PRKG1: variants seen among roughly 807,000 people sequenced by gnomAD.
PRKG1 encodes cGMP-dependent protein kinase 1.
In PRKG1, 35 loss-of-function variants were observed where a neutral mutation model predicts 88.1. The ratio of observed to expected loss-of-function variants is 0.40; its 90% CI spans 0.30 to 0.53. PRKG1 has a LOEUF of 0.53. Among genes scored for constraint, PRKG1 ranks in the 20% least tolerant of loss-of-function variants. PRKG1 has a pLI of 0.59. For synonymous variants in PRKG1, 303 were observed against 292.5 expected, an observed-to-expected ratio of 1.04 and a Z score of -0.37; for missense variants, 540 against 839.8, an observed-to-expected ratio of 0.64 and a Z score of 4.41.
intron 3 of PRKG1, among the ~76,000 whole-genome samples, chr10:51,482,862 A>G (rs1840405574): frequency 6.6e-6 from 1 of 152,194 alleles, no homozygotes; most frequent in Admixed American, 6.5e-5. Flanking sequence ...TATATGTCAA[A>G]TGTGGAGTGT....
intron 2 of PRKG1, among the ~76,000 whole-genome samples, chr10:51,181,259 G>C (rs1198826010): frequency 8.9e-6 from 1 of 112,144 alleles, no homozygotes; most frequent in South Asian, 2.6e-4. Context: ...TTTTGAGACG[G>C]AGTCTCGCTC....
chr10:51,746,655 G>A (rs1228170429), intron 3 of PRKG1, among the ~76,000 whole-genome samples: 1 of 151,680 alleles, frequency 6.6e-6, no homozygotes, highest in Non-Finnish European at 1.5e-5. Flanking sequence ...CCCAGGAGGT[G>A]GAGGTTGCAA....
chr10:52,204,338 G>A (rs190736794), intron 9 of PRKG1, among the ~76,000 whole-genome samples: 13 of 151,934 alleles, frequency 8.6e-5, no homozygotes, highest in East Asian at 1.9e-4. Context: ...TGCCCACCTC[G>A]GCCTCCCAAA....
intron 5 of PRKG1, among the ~76,000 whole-genome samples, chr10:51,960,749 G>C (rs1843428156): frequency 6.6e-6 from 1 of 152,142 alleles, no homozygotes; most frequent in South Asian, 2.1e-4. Flanking sequence ...GTTTTATGCA[G>C]AGATGCTCAA....
At chr10:51,468,724 C>A (rs1045175124) in intron 3 of PRKG1, among the ~76,000 whole-genome samples, 1 of 151,800 alleles carries the variant, frequency 6.6e-6, no homozygotes, top group East Asian at 1.9e-4. Flanking sequence ...AAAAAAAATG[C>A]TATTGGCAAA....
chr10:51,341,648 T>C (rs1842006444), intron 2 of PRKG1, among the ~76,000 whole-genome samples: 1 of 152,190 alleles, frequency 6.6e-6, no homozygotes, highest in Non-Finnish European at 1.5e-5. Flanking sequence ...TGGCACTTGA[T>C]ATTTGATAGG....
intron 11 of PRKG1, 43 bp from the exon 12 acceptor site, chr10:52,272,349 C>CAG: frequency 1.4e-6 from 2 of 1,448,526 alleles, no homozygotes; most frequent in Middle Eastern, 3.5e-4. Context: ...TTGTAAAAGA[C>CAG]AGTAATGTTT....
chr10:51,167,847 T>C (rs1473657565), intron 2 of PRKG1, among the ~76,000 whole-genome samples: 2 of 152,170 alleles, frequency 1.3e-5, no homozygotes, highest in Admixed American at 6.6e-5. Context: ...TGACGGTAGA[T>C]ATACATTCAG....
At chr10:51,017,504 A>G (rs958832930) in intron 1 of PRKG1, among the ~76,000 whole-genome samples, 2 of 152,202 alleles carry the variant, frequency 1.3e-5, no homozygotes, top group Admixed American at 1.3e-4. Context: ...TGTAACACTT[A>G]TGTGTATGAG....
chr10:51,836,130 T>A (rs1840125235), intron 4 of PRKG1, among the ~76,000 whole-genome samples: 1 of 152,108 alleles, frequency 6.6e-6, no homozygotes, highest in African/African-American at 2.4e-5. Context: ...TCAAAATATA[T>A]TACAAAGCTA....
intron 7 of PRKG1, among the ~76,000 whole-genome samples, chr10:52,076,881 T>C (rs1022960297): frequency 1.3e-5 from 2 of 152,096 alleles, no homozygotes; most frequent in Admixed American, 6.5e-5. Flanking sequence ...AACCACAAGG[T>C]AGTGCCACTG....
chr10:51,300,956 T>C (rs551800036), intron 2 of PRKG1, among the ~76,000 whole-genome samples: 2 of 152,358 alleles, frequency 1.3e-5, no homozygotes, highest in South Asian at 4.1e-4. Context: ...TAATTTCACT[T>C]TCCTCTTAAT....
intron 1 of PRKG1, among the ~76,000 whole-genome samples, chr10:51,033,208 T>G (rs1819590335): frequency 6.6e-6 from 1 of 152,138 alleles, no homozygotes; most frequent in South Asian, 2.1e-4. Flanking sequence ...TTGGACGTGC[T>G]TCCCTCCTTC....
chr10:51,071,185 C>T (rs1420143286), upstream of PRKG1, among the ~76,000 whole-genome samples: 1 of 152,108 alleles, frequency 6.6e-6, no homozygotes, highest in Non-Finnish European at 1.5e-5. Context: ...GGGTTTATTT[C>T]CAGCATTTAC....
chr10:51,223,444 A>G (rs1292931664), intron 2 of PRKG1, among the ~76,000 whole-genome samples: 1 of 152,222 alleles, frequency 6.6e-6, no homozygotes, highest in East Asian at 1.9e-4. Context: ...TAGAGGCCAT[A>G]TGTGTTCTTG....
chr10:52,082,509 G>T (rs1308129550), intron 7 of PRKG1, among the ~76,000 whole-genome samples: 1 of 152,164 alleles, frequency 6.6e-6, no homozygotes, highest in African/African-American at 2.4e-5. Flanking sequence ...TGGTGGCATG[G>T]AAAGTGAAAT....
chr10:52,110,913 C>A (rs569003885), intron 7 of PRKG1, among the ~76,000 whole-genome samples: 1 of 152,232 alleles, frequency 6.6e-6, no homozygotes, highest in African/African-American at 2.4e-5. Context: ...AGTGCCCAAG[C>A]AGAAATGTAT....
chr10:51,419,869 A>G (rs891489450), intron 2 of PRKG1, among the ~76,000 whole-genome samples: 3 of 149,118 alleles, frequency 2.0e-5, no homozygotes, highest in Non-Finnish European at 4.4e-5. Flanking sequence ...TGTCTAGTGT[A>G]GCAGCATAAT....
chr10:51,650,533 T>G (rs891409904), intron 3 of PRKG1, among the ~76,000 whole-genome samples: 3 of 152,232 alleles, frequency 2.0e-5, no homozygotes, highest in Non-Finnish European at 4.4e-5. Flanking sequence ...CAGTGTTGAC[T>G]TTCAAACTAT....
Sources: gnomAD v4.1 joint callset for allele counts (sites outside exome capture counted in the v4.1 genomes callset) on GRCh38, gnomAD v4.1.1 for gene constraint, MANE v1.5 for transcripts, NCBI Gene and HGNC (gene_info 2026-07-23, HGNC 2026-07-21) for gene names.